The following NADSYN1 variants were observed in gnomAD, a reference collection of about 807,000 sequenced individuals.
NADSYN1 encodes the protein NAD synthetase 1.
A neutral mutation model predicts 99.3 loss-of-function variants in NADSYN1; 80 were observed. That is an observed-to-expected ratio of 0.81 (90% CI 0.67 to 0.97). The LOEUF is 0.97. Ranked by LOEUF, NADSYN1 falls within the 50% of genes least tolerant of loss-of-function variation. NADSYN1 has a pLI of 0.00. For synonymous variants in NADSYN1, 385 were observed against 372.1 expected (o/e 1.03, Z -0.40); for missense variants, 859 against 948.5 (o/e 0.91, Z 1.24).
intron 13 of NADSYN1, 173 bp from the exon 14 acceptor site, chr11:71,482,676 T>G: frequency 3.8e-6 from 2 of 520,992 alleles, no homozygotes; most frequent in Admixed American, 3.6e-5. Context: ...TAGACTGGGG[T>G]GGAGCCGCAC....
At chr11:71,476,765 G>A (rs780500032) in intron 9 of NADSYN1, 185 of 985,656 alleles carry the variant, frequency 1.9e-4, no homozygotes, top group Non-Finnish European at 2.2e-4. Context: ...TTGATTGGCA[G>A]GTGTGTTGGC....
At position 71,482,892 on chromosome 11, in the gene NADSYN1, C is replaced by G. The variant is rs896160462; in HGVS notation, c.1194C>G (p.Ile398Met). Reference sequence around the variant, plus strand: ...ATGTCCGCACCATCGTGAACCAGATCAGCTACACCCCCCAGGATCCCCGAG... The same window carrying G: ...ATGTCCGCACCATCGTGAACCAGATGAGCTACACCCCCCAGGATCCCCGAG... ...LADVRTIVNQ[I>M]SYTPQDPRDL... Residue 398 changes from isoleucine to methionine, a missense_variant, in exon 14 of 21, where the codon ATC (isoleucine) becomes ATG (methionine). Coordinates refer to ENST00000319023, the MANE Select transcript of NADSYN1 (RefSeq NM_018161.5). 5.0e-6 allele frequency: 8 copies of G among 1,613,016 alleles called. No homozygotes were observed. In the African/African-American group the frequency reaches 1.1e-4, roughly 22 times the overall value.
intron 18 of NADSYN1, 120 bp from the exon 19 acceptor site, chr11:71,497,363 C>A: frequency 7.5e-7 from 1 of 1,324,914 alleles, no homozygotes. Flanking sequence ...CACCTCTGCT[C>A]CTGCCTCTCT....
At chr11:71,492,186 C>T (rs1281770237) in intron 18 of NADSYN1, among the ~76,000 whole-genome samples, 15 of 152,304 alleles carry the variant, frequency 9.8e-5, no homozygotes, top group Middle Eastern at 6.8e-3. Flanking sequence ...GCAGGAGGGG[C>T]ATCTCTGCTC....
chr11:71,459,231 G>C (rs768446042), intron 3 of NADSYN1, among the ~76,000 whole-genome samples: 8 of 146,640 alleles, frequency 5.5e-5, no homozygotes, highest in African/African-American at 1.0e-4. Context: ...CTGCATAGCC[G>C]CCCCTATGGA....
At chr11:71,494,470 G>A (rs1949806057) in intron 18 of NADSYN1, among the ~76,000 whole-genome samples, 1 of 152,174 alleles carries the variant, frequency 6.6e-6, no homozygotes, top group African/African-American at 2.4e-5. Context: ...GCCTGTCTAT[G>A]TGTTTCTCAG....
In NADSYN1 at chr11:71,497,506, G is replaced by T. The variant is rs143884210; in HGVS notation, c.1788G>T (p.Ala596=). ...AGGAAGATATGGGGATGACATATGC[G>T]GAGCTCTCGGTCTATGGGAAACTCA... is the stretch of plus-strand genomic sequence containing the variant. The part of the protein sequence containing the change: ...TDEEDMGMTY[A]ELSVYGKLRK... Residue 596 remains alanine, a synonymous_variant, in exon 19 of 21, where the codon GCG becomes GCT. Coordinates refer to ENST00000319023, the MANE Select transcript of NADSYN1 (RefSeq NM_018161.5). 1 of 1,614,104 alleles carries T rather than the reference G, an allele frequency of 6.2e-7. No individual in the cohort carries two copies. The highest frequency in any genetic ancestry group is 1.3e-5 in the African/African-American group (1 of 74,988).
chr11:71,484,689 GT>G (rs1291350636), intron 15 of NADSYN1: 9 of 538,358 alleles, frequency 1.7e-5, no homozygotes, highest in Non-Finnish European at 3.0e-5. Flanking sequence ...CATGTGATGT[GT>G]AAGAGCAAGA....
intron 20 of NADSYN1, chr11:71,499,480 C>G (rs1001367101): frequency 3.3e-5 from 5 of 152,178 alleles, no homozygotes; most frequent in Admixed American, 1.3e-4. Context: ...GCTGGACACC[C>G]CTCTATGAGT....
chr11:71,473,470 G>T (rs748834352), intron 7 of NADSYN1, 99 bp from the exon 8 acceptor site: 1 of 1,527,604 alleles, frequency 6.5e-7, no homozygotes, highest in African/African-American at 1.4e-5. Context: ...GGCCGTGGCC[G>T]TGGGCTGGGA....
Position 71,486,796 on chromosome 11 carries a change from C to CTT in NADSYN1, c.1562+1174_1562+1175dup, listed in dbSNP as rs57662255. The stretch of plus-strand genomic sequence containing the variant: ...TCCCTTTTTTCTATGGCGTGAGTGT[C>CTT]TTTTTTTTTTTTTTTTTTTTTTTTT... On this transcript the variant is annotated intron_variant, in intron 16 of 20. Transcript: ENST00000319023. Among the ~76,000 whole-genome samples, 59 of 60,996 alleles carry CTT rather than the reference C, an allele frequency of 9.7e-4. 9 individuals are homozygous for CTT. Among genetic ancestry groups the CTT allele is most frequent in the South Asian group, 5.1e-3 (5 of 990 alleles). The allele number at this position is 60,996 out of a possible 152,430, so 40.0% of individuals were successfully genotyped here.
At chr11:71,493,948 A>G (rs1378766861) in intron 18 of NADSYN1, among the ~76,000 whole-genome samples, 1 of 152,240 alleles carries the variant, frequency 6.6e-6, no homozygotes, top group Non-Finnish European at 1.5e-5. Context: ...CCTGGCCAAC[A>G]TGGTGAAACC....
Position 71,501,292 on chromosome 11 carries a change from C to G in NADSYN1, c.2071-10C>G. 1 of 1,572,390 alleles carries G rather than the reference C, an allele frequency of 6.4e-7. No homozygotes were observed. Among genetic ancestry groups the G allele is most frequent in the Non-Finnish European group, 8.6e-7 (1 of 1,158,462 alleles). ...TGCGGGGCTGTGGTGTCACAGGCCT[C>G]TCTTTCCAGGTGCTACAGCTCGAGA... On this transcript the variant is annotated splice_polypyrimidine_tract_variant and intron_variant, in intron 20 of 20. Transcript: ENST00000319023.
intron 19 of NADSYN1, 65 bp from the exon 20 acceptor site, chr11:71,498,287 G>A (rs543711914): frequency 1.5e-4 from 231 of 1,575,972 alleles, no homozygotes; most frequent in Non-Finnish European, 1.9e-4. Context: ...ATCCAGCATG[G>A]GAATTCCGGC....
intron 13 of NADSYN1, 32 bp from the exon 14 acceptor site, chr11:71,482,817 A>G: frequency 6.2e-7 from 1 of 1,608,652 alleles, no homozygotes; most frequent in Non-Finnish European, 8.5e-7. Context: ...CACTCAGGTG[A>G]CTTCCACCCA....
In NADSYN1 at chr11:71,477,394, G is replaced by C. The variant is rs1015298032; in HGVS notation, c.799-1001G>C. 12 of 1,289,704 alleles carry C rather than the reference G, an allele frequency of 9.3e-6. No homozygotes were observed. In the Admixed American group the frequency reaches 2.8e-4, roughly 30 times the overall value. 79.9% of individuals were successfully genotyped at this position (1,289,704 alleles called of 1,614,324 possible). ...TTGGGAAGCAGCCAGAGAACCACAG[G>C]ATGCGTGAATCGGTCTCCTTGTCTT... On this transcript the variant is annotated intron_variant, in intron 9 of 20. Coordinates refer to ENST00000319023, the MANE Select transcript of NADSYN1 (RefSeq NM_018161.5).
In NADSYN1 at chr11:71,464,099, A is replaced by T; in HGVS notation, c.364A>T (p.Asn122Tyr). 1 of 1,612,526 alleles carries T rather than the reference A, an allele frequency of 6.2e-7. No homozygotes were observed. Among genetic ancestry groups the T allele is most frequent in the Non-Finnish European group, 8.5e-7 (1 of 1,179,444 alleles). Residue 122 changes from asparagine (N) to tyrosine (Y), a missense_variant, in exon 5 of 21, where the codon AAC becomes TAC. By Grantham distance (143) the Asn-to-Tyr change is moderately radical. Coordinates refer to ENST00000319023, the MANE Select transcript of NADSYN1 (RefSeq NM_018161.5). Reference sequence around the variant, plus strand: ...CAAGATGGCCTTGGCCAATGAAGGCAACTACCGCGAGCTGCGCTGGTTCAC... The same window carrying T: ...CAAGATGGCCTTGGCCAATGAAGGCTACTACCGCGAGCTGCGCTGGTTCAC... ...RPKMALANEG[N>Y]YRELRWFTPW...
At chr11:71,461,256 T>G (rs890460898) in intron 3 of NADSYN1, among the ~76,000 whole-genome samples, 1 of 152,196 alleles carries the variant, frequency 6.6e-6, no homozygotes, top group African/African-American at 2.4e-5. Context: ...CTTACTCCAC[T>G]TAGAGATCAG....
chr11:71,501,370 A>T lies in NADSYN1; in HGVS notation c.*18A>T, dbSNP rs1351684640. ...TGGACTGAGGCCGGTTCCTTCCTGGAGGCCTCCTGTCCTCGGGGACCCCAG... is the reference window on the plus strand; with the variant it reads ...TGGACTGAGGCCGGTTCCTTCCTGGTGGCCTCCTGTCCTCGGGGACCCCAG... On this transcript the variant is annotated 3_prime_UTR_variant, in exon 21 of 21. Transcript: ENST00000319023. 5 of 1,594,568 alleles carry T rather than the reference A, an allele frequency of 3.1e-6. No individual in the cohort carries two copies. In the Admixed American group the frequency reaches 8.7e-5, roughly 28 times the overall value.
Sources: allele counts gnomAD v4.1 joint callset (sites outside exome capture counted in the v4.1 genomes callset), GRCh38; gene constraint gnomAD v4.1.1; transcripts MANE v1.5; gene names NCBI Gene and HGNC (gene_info 2026-07-23, HGNC 2026-07-21).